The following PIGN variants were observed in gnomAD, a reference collection of about 807,000 sequenced individuals.
The protein encoded by PIGN is phosphatidylinositol glycan anchor biosynthesis class N.
In PIGN, 117 loss-of-function variants were observed where a neutral mutation model predicts 125.4. The observed-to-expected ratio is 0.93, with a 90% CI of 0.80 to 1.09. The LOEUF (loss-of-function observed/expected upper bound fraction) is 1.09. Among genes scored for constraint, PIGN ranks in the 50% least tolerant of loss-of-function variants. PIGN has a pLI of 0.00. For synonymous variants in PIGN, 392 were observed against 377.8 expected, an observed-to-expected ratio of 1.04 and a Z score of -0.44; for missense variants, 1,075 against 1,094.9, an observed-to-expected ratio of 0.98 and a Z score of 0.26.
At chr18:62,081,270 A>G (rs1460203377) in intron 28 of PIGN, among the ~76,000 whole-genome samples, 5 of 152,176 alleles carry the variant, frequency 3.3e-5, no homozygotes, top group Non-Finnish European at 7.4e-5. Flanking sequence ...AGGAGAGATG[A>G]TATCAGTGAT....
chr18:62,117,176 T>C (rs1242173897), intron 14 of PIGN, among the ~76,000 whole-genome samples: 5 of 152,134 alleles, frequency 3.3e-5, no homozygotes, highest in Non-Finnish European at 2.9e-5. Context: ...TTAAAGACTC[T>C]CATACACTTG....
At chr18:62,118,317 T>C (rs2035165169) in intron 14 of PIGN, among the ~76,000 whole-genome samples, 1 of 152,170 alleles carries the variant, frequency 6.6e-6, no homozygotes, top group South Asian at 2.1e-4. Context: ...GATTTAACCA[T>C]AACTTCTGGT....
intron 29 of PIGN, 38 bp downstream of exon 29, chr18:62,074,741 T>A: frequency 7.4e-7 from 1 of 1,358,608 alleles, no homozygotes; most frequent in Non-Finnish European, 1.0e-6. Flanking sequence ...CCCAGGACTC[T>A]TAATCTAATT....
intron 23 of PIGN, among the ~76,000 whole-genome samples, chr18:62,030,756 A>G (rs2030184484): frequency 6.6e-6 from 1 of 152,210 alleles, no homozygotes. Flanking sequence ...GGAAAAAAAG[A>G]TCATGATCTT....
chr18:62,173,236 C>T lies in PIGN; in HGVS notation c.-235-9580G>A, dbSNP rs532141370. Among the ~76,000 whole-genome samples, 202 of 152,184 alleles carry T rather than the reference C, an allele frequency of 1.3e-3. 1 individual carries two copies. Among genetic ancestry groups the T allele is most frequent in the African/African-American group, 4.5e-3 (186 of 41,528 alleles). ...GGTTACGGTCTACAAAATTTTAAAA[C>T]GCAACTTGGTGTCTATTCTGTTTAT... On this transcript the variant is annotated intron_variant, in intron 1 of 30. Transcript: ENST00000640252.
intron 30 of PIGN, chr18:62,058,889 T>C (rs895275720): frequency 2.0e-5 from 3 of 152,008 alleles, no homozygotes; most frequent in Non-Finnish European, 4.4e-5. Context: ...GCTCCTGAGA[T>C]TAAAATCCTC....
At position 62,044,125 on chromosome 18, in the gene PIGN, A is replaced by T. The variant is rs2144962693; in HGVS notation, c.*1731T>A. ...CTATGATACTGTCAGAAGGAAGTTC[A>T]ACCTATTCTACAGACTCACACTGAC... On this transcript the variant is annotated 3_prime_UTR_variant, in exon 31 of 31. Coordinates refer to ENST00000640252, the MANE Select transcript of PIGN (RefSeq NM_176787.5). 6.6e-6 allele frequency: 1 copy of T among 152,336 alleles called. No individual in the cohort carries two copies. The highest frequency in any genetic ancestry group is 2.4e-5 in the African/African-American group (1 of 41,568). The allele number at this position is 152,336 out of a possible 1,614,324, so 9.4% of individuals were successfully genotyped here. A position where few individuals can be genotyped will look rare whatever the true frequency, so the allele number is the denominator to read the frequency against.
intron 21 of PIGN, 107 bp downstream of exon 21, chr18:62,102,687 T>C: frequency 1.8e-6 from 1 of 550,190 alleles, no homozygotes; most frequent in Non-Finnish European, 3.2e-6. Flanking sequence ...TGGCAGATAC[T>C]AAGTAGCATA....
intron 23 of PIGN, among the ~76,000 whole-genome samples, chr18:62,094,349 G>A (rs1426699223): frequency 6.6e-6 from 1 of 152,040 alleles, no homozygotes; most frequent in African/African-American, 2.4e-5. Flanking sequence ...AAAAGAGAAA[G>A]GCCTATTAAG....
intron 30 of PIGN, among the ~76,000 whole-genome samples, chr18:62,049,216 T>C (rs1402221484): frequency 3.3e-5 from 5 of 151,896 alleles, no homozygotes; most frequent in Non-Finnish European, 5.9e-5. Flanking sequence ...GGGTATATAC[T>C]CAGTAATGGG....
chr18:62,132,178 A>G (rs28702077), intron 14 of PIGN, among the ~76,000 whole-genome samples: 37,796 of 152,122 alleles, frequency 0.25, 4,858 homozygotes, highest in Middle Eastern at 0.38. Flanking sequence ...ACATGCTGAC[A>G]TTATGTGCAT....
chr18:62,063,251 T>A (rs549000826), intron 30 of PIGN, among the ~76,000 whole-genome samples: 1 of 151,230 alleles, frequency 6.6e-6, no homozygotes, highest in East Asian at 2.0e-4. Context: ...AATCTATGGT[T>A]TTATAGATTT....
At chr18:62,022,274 C>G (rs1018803332) in intron 23 of PIGN, among the ~76,000 whole-genome samples, 1 of 152,160 alleles carries the variant, frequency 6.6e-6, no homozygotes, top group Non-Finnish European at 1.5e-5. Flanking sequence ...GGAGAGGTAA[C>G]TTGGAAGTCA....
intron 6 of PIGN, among the ~76,000 whole-genome samples, chr18:62,156,551 C>T (rs1352398091): frequency 2.6e-5 from 4 of 152,092 alleles, no homozygotes; most frequent in African/African-American, 9.7e-5. Flanking sequence ...GACTGGTCTC[C>T]AACTCCTGAG....
At chr18:62,093,637 T>C (rs1297556455) in intron 23 of PIGN, among the ~76,000 whole-genome samples, 1 of 152,102 alleles carries the variant, frequency 6.6e-6, no homozygotes, top group Non-Finnish European at 1.5e-5. Flanking sequence ...TAAAAATAAT[T>C]AAGTGCTGAT....
chr18:62,123,645 AAG>A (rs1322178848), intron 14 of PIGN: 3 of 152,200 alleles, frequency 2.0e-5, no homozygotes, highest in Non-Finnish European at 4.4e-5. Context: ...TTAAGATAAT[AAG>A]AGTCTGATAC....
chr18:62,152,580 G>A (rs1473402320), intron 7 of PIGN, among the ~76,000 whole-genome samples: 1 of 152,032 alleles, frequency 6.6e-6, no homozygotes, highest in Non-Finnish European at 1.5e-5. Flanking sequence ...CTACAGTTGG[G>A]CAAAATCATC....
chr18:62,182,209 T>A (rs914027543), intron 1 of PIGN, among the ~76,000 whole-genome samples: 5 of 152,228 alleles, frequency 3.3e-5, no homozygotes, highest in African/African-American at 1.2e-4. Context: ...CTGGCAAGTT[T>A]CATCATATCT....
At chr18:62,063,237 C>A (rs112773883) in intron 30 of PIGN, among the ~76,000 whole-genome samples, 4 of 129,916 alleles carry the variant, frequency 3.1e-5, no homozygotes, top group Non-Finnish European at 5.3e-5. Context: ...TAGATTTTAT[C>A]CAAAATCTAT....
Sources: gnomAD v4.1 joint callset for allele counts (sites outside exome capture counted in the v4.1 genomes callset) on GRCh38, gnomAD v4.1.1 for gene constraint, MANE v1.5 for transcripts, NCBI Gene and HGNC (gene_info 2026-07-23, HGNC 2026-07-21) for gene names.